The following SH2D4B variants were observed in gnomAD, a reference collection of about 807,000 sequenced individuals.
SH2D4B encodes the protein SH2 domain-containing protein 4B.
In SH2D4B, 45 loss-of-function variants were observed where a neutral mutation model predicts 61.5. The observed-to-expected ratio is 0.73, with a 90% CI of 0.58 to 0.94. The LOEUF is 0.94. SH2D4B is among the 40% of genes least tolerant of loss of function. The pLI is 0.00. For missense variants in SH2D4B, 572 were observed against 574.2 expected (o/e 1.00, Z 0.04); for synonymous variants, 224 against 220.4 (o/e 1.02, Z -0.14).
chr10:80,620,798 CA>C (rs1164932992), intron 6 of SH2D4B, among the ~76,000 whole-genome samples: 1 of 152,158 alleles, frequency 6.6e-6, no homozygotes, highest in Admixed American at 6.5e-5. Flanking sequence ...GCTCTCAGCA[CA>C]GTGGTTAACA....
chr10:80,586,907 G>C (rs950044269), intron 3 of SH2D4B, among the ~76,000 whole-genome samples: 4 of 151,724 alleles, frequency 2.6e-5, no homozygotes, highest in African/African-American at 9.7e-5. Context: ...AACTCCAGAC[G>C]CACTGCCTTA....
chr10:80,555,722 G>C (rs370521678), intron 1 of SH2D4B, among the ~76,000 whole-genome samples: 2 of 152,326 alleles, frequency 1.3e-5, no homozygotes, highest in East Asian at 3.9e-4. Flanking sequence ...TTTTAAAACT[G>C]AAAGTCCTGC....
chr10:80,593,993 T>C (rs951685552), intron 4 of SH2D4B, among the ~76,000 whole-genome samples: 4 of 152,040 alleles, frequency 2.6e-5, no homozygotes, highest in African/African-American at 7.2e-5. Context: ...TATATATATT[T>C]TTAGCGACGG....
intron 1 of SH2D4B, among the ~76,000 whole-genome samples, chr10:80,543,369 G>GC (rs1411853838): frequency 6.7e-6 from 1 of 148,616 alleles, no homozygotes; most frequent in African/African-American, 2.6e-5. Context: ...GGCCCCACCG[G>GC]CCCGGGGCAG....
At chr10:80,559,980 T>G (rs1841883106) in intron 1 of SH2D4B, among the ~76,000 whole-genome samples, 1 of 148,952 alleles carries the variant, frequency 6.7e-6, no homozygotes, top group African/African-American at 2.5e-5. Context: ...ATTTTTAAAA[T>G]ACACCTTTTT....
At chr10:80,615,672 C>T (rs1842651874) in intron 6 of SH2D4B, among the ~76,000 whole-genome samples, 1 of 152,036 alleles carries the variant, frequency 6.6e-6, no homozygotes, top group African/African-American at 2.4e-5. Context: ...GTGTGCCAGT[C>T]CAAACCCCTG....
In SH2D4B at chr10:80,644,405, A is replaced by G. The variant is rs1840362641; in HGVS notation, c.*320A>G. 4.3e-6 allele frequency: 1 copy of G among 232,958 alleles called. No homozygotes were observed. The highest frequency in any genetic ancestry group is 2.2e-5 in the African/African-American group (1 of 44,484). The allele number at this position is 232,958 out of a possible 1,614,324, so 14.4% of individuals were successfully genotyped here. A position where few individuals can be genotyped will look rare whatever the true frequency, so the allele number is the denominator to read the frequency against. On this transcript the variant is annotated 3_prime_UTR_variant, in exon 8 of 8. Transcript: ENST00000646907. ...GTGGACCATGTTTTAATAATCCAAA[A>G]TAATTCCAGTGCCGAACCCTGAATT...
chr10:80,630,924 G>A (rs1347769793), intron 6 of SH2D4B, among the ~76,000 whole-genome samples: 1 of 152,204 alleles, frequency 6.6e-6, no homozygotes, highest in African/African-American at 2.4e-5. Context: ...TCTGCTGGAA[G>A]TCAGGGGAAG....
intron 3 of SH2D4B, among the ~76,000 whole-genome samples, chr10:80,581,912 G>C (rs1842189532): frequency 6.6e-6 from 1 of 152,144 alleles, no homozygotes; most frequent in African/African-American, 2.4e-5. Context: ...TCAACAAGCA[G>C]ATAAAAGGAG....
At chr10:80,617,262 G>T (rs1451988387) in intron 6 of SH2D4B, among the ~76,000 whole-genome samples, 1 of 152,180 alleles carries the variant, frequency 6.6e-6, no homozygotes, top group Admixed American at 6.5e-5. Context: ...GAGGTGCCCA[G>T]CCATCTCTGG....
intron 1 of SH2D4B, among the ~76,000 whole-genome samples, chr10:80,540,352 C>T (rs565044363): frequency 5.9e-5 from 9 of 152,144 alleles, no homozygotes; most frequent in Non-Finnish European, 7.4e-5. Flanking sequence ...AGCTTTCGGC[C>T]GGAGGGTCCA....
chr10:80,562,272 C>T lies in SH2D4B; in HGVS notation c.185-7882C>T, dbSNP rs142885280. Among the ~76,000 whole-genome samples, 15 of 152,330 alleles carry T rather than the reference C, an allele frequency of 9.8e-5. No individual in the cohort carries two copies. The East Asian group carries it at 2.9e-3, about 29-fold the overall frequency. ...CCTTCTAAGGCTGAATAATACTCCACTGTGTACAAGTAAGTCCTTACTTAA... is the reference window on the plus strand; with the variant it reads ...CCTTCTAAGGCTGAATAATACTCCATTGTGTACAAGTAAGTCCTTACTTAA... On this transcript the variant is annotated intron_variant, in intron 1 of 7. Coordinates refer to ENST00000646907, the MANE Select transcript of SH2D4B (RefSeq NM_001388272.1).
intron 1 of SH2D4B, among the ~76,000 whole-genome samples, chr10:80,563,200 C>G (rs1380227177): frequency 1.3e-5 from 2 of 152,074 alleles, no homozygotes; most frequent in East Asian, 1.9e-4. Flanking sequence ...CGCGCCCGGC[C>G]GATGCTGAAC....
chr10:80,601,802 T>C (rs1842454401), intron 4 of SH2D4B, among the ~76,000 whole-genome samples: 1 of 152,252 alleles, frequency 6.6e-6, no homozygotes, highest in South Asian at 2.1e-4. Flanking sequence ...ATACTCACAG[T>C]GCAGTTCTTG....
intron 6 of SH2D4B, among the ~76,000 whole-genome samples, chr10:80,616,105 CA>C (rs11299394): frequency 0.024 from 3,565 of 150,178 alleles, 118 homozygotes; most frequent in African/African-American, 0.083. Context: ...TTTAGCCTTC[CA>C]AAAAAAAAGT....
intron 3 of SH2D4B, 101 bp from the exon 4 acceptor site, chr10:80,588,529 A>G: frequency 1.4e-6 from 2 of 1,460,036 alleles, no homozygotes; most frequent in Non-Finnish European, 1.9e-6. Flanking sequence ...CCACTGCTGC[A>G]CTCTCAGCCC....
At chr10:80,544,074 G>A (rs1328688563) in intron 1 of SH2D4B, among the ~76,000 whole-genome samples, 6 of 151,978 alleles carry the variant, frequency 3.9e-5, no homozygotes. Flanking sequence ...CTTCCACACT[G>A]TGGAAGCTTT....
chr10:80,541,397 T>C (rs1301779572), intron 1 of SH2D4B, among the ~76,000 whole-genome samples: 1 of 152,220 alleles, frequency 6.6e-6, no homozygotes, highest in Non-Finnish European at 1.5e-5. Context: ...CTTGTCTCAT[T>C]GACAGGCATC....
chr10:80,605,320 A>G (rs11186244), intron 5 of SH2D4B, among the ~76,000 whole-genome samples: 45,560 of 151,696 alleles, frequency 0.3, 7,500 homozygotes, highest in East Asian at 0.57. Context: ...ATTCTATACA[A>G]TGTGCTGTAA....
Sources: allele counts gnomAD v4.1 joint callset (sites outside exome capture counted in the v4.1 genomes callset), GRCh38; gene constraint gnomAD v4.1.1; transcripts MANE v1.5; gene names NCBI Gene and HGNC (gene_info 2026-07-23, HGNC 2026-07-21).